The following SRSF12 variants were observed in gnomAD, a reference collection of about 807,000 sequenced individuals.
SRSF12 encodes serine/arginine-rich splicing factor 12.
Under a neutral mutation model 34.1 loss-of-function variants are expected in SRSF12, and 21 were observed. That is an observed-to-expected ratio of 0.62 (90% CI 0.44 to 0.89). The LOEUF is 0.89. Among genes scored for constraint, SRSF12 ranks in the 40% least tolerant of loss-of-function variants. The probability of loss-of-function intolerance (pLI) is 0.00; values close to 1 mark genes in which losing one functional copy is unlikely to be tolerated. For missense variants in SRSF12, 278 were observed against 327.8 expected (o/e 0.85, Z 1.17); for synonymous variants, 111 against 110.8 (o/e 1.00, Z -0.01).
At chr6:89,107,967 C>T (rs1344632386) in intron 1 of SRSF12, among the ~76,000 whole-genome samples, 1 of 152,122 alleles carries the variant, frequency 6.6e-6, no homozygotes, top group Non-Finnish European at 1.5e-5. Context: ...TTTTGCTTCA[C>T]TTTAATTTCA....
rs1308602791 is a variant in SRSF12, at chr6:89,096,027, T to G, written c.*2551A>C. ...TTAAATGGGCCAAGAAACAATTCTA[T>G]GACAAAAGTGAACCCTGGAATATAG... is the stretch of plus-strand genomic sequence containing the variant. On this transcript the variant is annotated 3_prime_UTR_variant, in exon 5 of 5. Coordinates refer to ENST00000452027, the MANE Select transcript of SRSF12 (RefSeq NM_080743.5). The G allele has an allele frequency of 1.3e-5, 2 of 152,184 alleles. No individual in the cohort carries two copies. Among genetic ancestry groups the G allele is most frequent in the Admixed American group, 1.3e-4 (2 of 15,276 alleles). 9.4% of individuals were successfully genotyped at this position (152,184 alleles called of 1,614,324 possible).
chr6:89,099,777 C>T (rs1173758574), intron 4 of SRSF12, among the ~76,000 whole-genome samples: 1 of 152,016 alleles, frequency 6.6e-6, no homozygotes, highest in Non-Finnish European at 1.5e-5. Context: ...TCAGGTTATC[C>T]CCCTGCCTCG....
At chr6:89,107,436 A>C (rs1768846940) in intron 1 of SRSF12, among the ~76,000 whole-genome samples, 178 bp from the exon 2 acceptor site, 1 of 152,104 alleles carries the variant, frequency 6.6e-6, no homozygotes. Context: ...AGAAAGGAAA[A>C]AAACATTCTC....
At chr6:89,105,000 G>A (rs1368068830) in intron 4 of SRSF12, 119 bp downstream of exon 4, 1 of 981,204 alleles carries the variant, frequency 1.0e-6, no homozygotes, top group African/African-American at 1.6e-5. Flanking sequence ...AGTCTACAGT[G>A]GGCCATGATC....
intron 2 of SRSF12, chr6:89,106,839 T>C: frequency 5.2e-6 from 2 of 383,732 alleles, no homozygotes; most frequent in Non-Finnish European, 1.0e-5. Flanking sequence ...GTTGGCTTTG[T>C]CTTTTGCTTG....
Position 89,105,087 on chromosome 6 carries a change from G to C in SRSF12, c.416+32C>G, listed in dbSNP as rs1562198735. Reference sequence around the variant, plus strand: ...ATATATCTATTTCCCAGAAAAAGTAGAAAATGAAATTTTCAGTCCTCTTAT... The same window carrying C: ...ATATATCTATTTCCCAGAAAAAGTACAAAATGAAATTTTCAGTCCTCTTAT... On this transcript the variant is annotated intron_variant, in intron 4 of 4. Coordinates refer to ENST00000452027, the MANE Select transcript of SRSF12 (RefSeq NM_080743.5). 4 of 1,549,690 alleles carry C rather than the reference G, an allele frequency of 2.6e-6. No individual in the cohort carries two copies. The East Asian group carries it at 6.8e-5, about 26-fold the overall frequency.
At chr6:89,109,076 G>T (rs1369953124) in intron 1 of SRSF12, among the ~76,000 whole-genome samples, 1 of 152,094 alleles carries the variant, frequency 6.6e-6, no homozygotes, top group Non-Finnish European at 1.5e-5. Flanking sequence ...AATATAATGA[G>T]AAACAAGAAA....
intron 1 of SRSF12, 31 bp downstream of exon 1, chr6:89,117,792 G>A: frequency 1.3e-6 from 2 of 1,532,790 alleles, no homozygotes; most frequent in South Asian, 2.4e-5. Flanking sequence ...CCCCTCCTCC[G>A]CGCCCCCAAC....
intron 1 of SRSF12, among the ~76,000 whole-genome samples, chr6:89,112,307 T>C (rs996108731): frequency 6.6e-6 from 1 of 152,366 alleles, no homozygotes; most frequent in African/African-American, 2.4e-5. Flanking sequence ...TAGTGTCTTC[T>C]GCTTTTAATT....
intron 1 of SRSF12, among the ~76,000 whole-genome samples, chr6:89,116,230 T>C (rs1271859820): frequency 2.0e-5 from 3 of 152,214 alleles, no homozygotes; most frequent in African/African-American, 4.8e-5. Flanking sequence ...CTGTGAACCA[T>C]TAGAATTGGA....
At chr6:89,115,172 A>G (rs939856433) in intron 1 of SRSF12, among the ~76,000 whole-genome samples, 1 of 152,074 alleles carries the variant, frequency 6.6e-6, no homozygotes, top group Non-Finnish European at 1.5e-5. Flanking sequence ...ATCATCGTTC[A>G]CTGTAACCTT....
chr6:89,117,321 G>A (rs902550217), intron 1 of SRSF12, among the ~76,000 whole-genome samples: 17 of 152,218 alleles, frequency 1.1e-4, no homozygotes, highest in Admixed American at 4.6e-4. Flanking sequence ...AAGTAGACCA[G>A]AACTGGGGGA....
chr6:89,102,678 G>T (rs1490298064), intron 4 of SRSF12, among the ~76,000 whole-genome samples: 2 of 152,130 alleles, frequency 1.3e-5, no homozygotes, highest in African/African-American at 4.8e-5. Flanking sequence ...AACATTTAGA[G>T]TTCTAACATA....
rs1300917836 is a variant in SRSF12, at chr6:89,097,791, A to G, written c.*787T>C. 6.6e-6 allele frequency: 1 copy of G among 152,232 alleles called. No homozygotes were observed. Among genetic ancestry groups the G allele is most frequent in the African/African-American group, 2.4e-5 (1 of 41,458 alleles). The allele number at this position is 152,232 out of a possible 1,614,324, so 9.4% of individuals were successfully genotyped here. ...GTATGTGGAAATAATGGTATCAAAT[A>G]TGATTTTATACAAAATGTACCATTC... is the stretch of plus-strand genomic sequence containing the variant. On this transcript the variant is annotated 3_prime_UTR_variant, in exon 5 of 5. Transcript: ENST00000452027.
rs528949800 is a variant in SRSF12 at position 89,112,326 on chromosome 6, ATTTGT to A, written c.66-5073_66-5069del. 4.1e-3 allele frequency among the ~76,000 whole-genome samples: 618 copies of A among 152,294 alleles called. 5 individuals carry two copies. The highest frequency in any genetic ancestry group is 0.031 in the Middle Eastern group (9 of 294). On this transcript the variant is annotated intron_variant, in intron 1 of 4. Coordinates refer to ENST00000452027, the MANE Select transcript of SRSF12 (RefSeq NM_080743.5). The stretch of plus-strand genomic sequence containing the variant: ...GTCTTCTGCTTTTAATTTTTTAAAA[ATTTGT>A]TTTGTTTTAAAACATTCTTAGTAAA...
rs1768357435 is a variant in SRSF12, at chr6:89,098,505, A to G, written c.*73T>C. On this transcript the variant is annotated 3_prime_UTR_variant, in exon 5 of 5. Coordinates refer to ENST00000452027, the MANE Select transcript of SRSF12 (RefSeq NM_080743.5). ...AACTCGCATTTTCTGTATGCCTTAAAGAATTTTTATTTAACATAATGAGAG... is the reference window on the plus strand; with the variant it reads ...AACTCGCATTTTCTGTATGCCTTAAGGAATTTTTATTTAACATAATGAGAG... 6.7e-7 allele frequency: 1 copy of G among 1,494,598 alleles called. No homozygotes were observed. The highest frequency in any genetic ancestry group is 2.3e-5 in the Admixed American group (1 of 42,710). The allele number at this position is 1,494,598 out of a possible 1,614,324, so 92.6% of individuals were successfully genotyped here. A position where few individuals can be genotyped will look rare whatever the true frequency, so the allele number is the denominator to read the frequency against.
intron 1 of SRSF12, 34 bp from the exon 2 acceptor site, chr6:89,107,292 G>A (rs1483691733): frequency 6.6e-7 from 1 of 1,523,478 alleles, no homozygotes. Context: ...AAAGAAATAT[G>A]AATAGCTGGA....
At chr6:89,116,434 A>G (rs1018059838) in intron 1 of SRSF12, among the ~76,000 whole-genome samples, 1 of 152,228 alleles carries the variant, frequency 6.6e-6, no homozygotes, top group African/African-American at 2.4e-5. Flanking sequence ...ACTAAGATAT[A>G]TTAACCACAA....
chr6:89,107,125 T>C (rs1562201412), intron 2 of SRSF12, 29 bp downstream of exon 2: 1 of 1,574,766 alleles, frequency 6.4e-7, no homozygotes, highest in East Asian at 2.2e-5. Context: ...TACAGTATAT[T>C]CACATGCACA....
Sources: allele counts gnomAD v4.1 joint callset (sites outside exome capture counted in the v4.1 genomes callset), GRCh38; gene constraint gnomAD v4.1.1; transcripts MANE v1.5; gene names NCBI Gene and HGNC (gene_info 2026-07-23, HGNC 2026-07-21).